Variants in YEATS2 observed in about 807,000 individuals in gnomAD.
The protein encoded by YEATS2 is YEATS domain containing 2.
A neutral mutation model predicts 163.2 loss-of-function variants in YEATS2; 77 were observed. That is an observed-to-expected ratio of 0.47 (90% confidence interval 0.39 to 0.57). The LOEUF (loss-of-function observed/expected upper bound fraction) is 0.57, where lower values mean the gene tolerates loss of function less well. YEATS2 is among the 20% of genes least tolerant of loss of function. The pLI, the probability that YEATS2 is intolerant of heterozygous loss-of-function variation, is 0.00. For missense variants in YEATS2, 1,549 were observed against 1,729.8 expected (o/e 0.90, Z 1.85); for synonymous variants, 631 against 645.1 (o/e 0.98, Z 0.33).
intron 8 of YEATS2, among the ~76,000 whole-genome samples, chr3:183,743,879 C>T (rs972359638): frequency 1.3e-5 from 2 of 152,044 alleles, no homozygotes; most frequent in African/African-American, 4.8e-5. Context: ...CTTTCTTCTA[C>T]AAATGGACCT....
chr3:183,733,703 A>T (rs1413985128), intron 7 of YEATS2, among the ~76,000 whole-genome samples: 5 of 152,056 alleles, frequency 3.3e-5, no homozygotes, highest in Non-Finnish European at 7.4e-5. Context: ...TTTCTTACAC[A>T]CCCTGAATCT....
intron 11 of YEATS2, among the ~76,000 whole-genome samples, chr3:183,755,741 C>CTTTTTTTTTTTTTTTTTTTTTTTTT (rs57050296): frequency 1.2e-5 from 1 of 82,204 alleles, no homozygotes; most frequent in African/African-American, 6.0e-5. Context: ...TCCTTCCTTT[C>CTTTTTTTTTTTTTTTTTTTTTTTTT]TTTTTTTTTT....
chr3:183,777,441 A>G (rs1468449685), intron 18 of YEATS2, 101 bp from the exon 19 acceptor site: 2 of 1,268,338 alleles, frequency 1.6e-6, no homozygotes, highest in Non-Finnish European at 2.2e-6. Context: ...AGAGCGTTGT[A>G]GCTTGTAACA....
At chr3:183,702,783 A>G (rs1269351470) in intron 1 of YEATS2, among the ~76,000 whole-genome samples, 2 of 151,826 alleles carry the variant, frequency 1.3e-5, no homozygotes, top group African/African-American at 2.4e-5. Context: ...GCAGTGAGCC[A>G]AGATTGCGCC....
Position 183,721,189 on chromosome 3 carries a change from AT to A in YEATS2, c.292-699del, listed in dbSNP as rs1199142718. Among the ~76,000 whole-genome samples, 20 of 152,310 alleles carry A rather than the reference AT, an allele frequency of 1.3e-4. No individual in the cohort carries two copies. In the East Asian group the frequency reaches 3.1e-3, roughly 24 times the overall value. The stretch of plus-strand genomic sequence containing the variant: ...TATTTTTAGTTTTCAGTGGCAAAAC[AT>A]TTATAGCTCTGAAAAACCTTTATTA... On this transcript the variant is annotated intron_variant, in intron 4 of 30. Transcript: ENST00000305135.
chr3:183,799,032 C>T, intron 23 of YEATS2, 43 bp downstream of exon 23: 1 of 1,473,196 alleles, frequency 6.8e-7, no homozygotes, highest in Non-Finnish European at 9.5e-7. Context: ...AGTTTTGTTA[C>T]TTTTTTATTG....
At chr3:183,752,555 A>G (rs1412691122) in intron 10 of YEATS2, among the ~76,000 whole-genome samples, 2 of 151,558 alleles carry the variant, frequency 1.3e-5, no homozygotes, top group Non-Finnish European at 2.9e-5. Context: ...TAAAAATACA[A>G]AAATTTAGCT....
At position 183,767,234 on chromosome 3, in the gene YEATS2, T is replaced by C. The variant is rs1175036266; in HGVS notation, c.1947+4955T>C. On this transcript the variant is annotated intron_variant, in intron 15 of 30. Coordinates refer to ENST00000305135, the MANE Select transcript of YEATS2 (RefSeq NM_018023.5). ...GCTGACTTGGGATACCAGGTTTTTG[T>C]TTCTGTTTTGAGACAGCGTCTAGCT... is the stretch of plus-strand genomic sequence containing the variant. 3.9e-5 allele frequency among the ~76,000 whole-genome samples: 6 copies of C among 152,002 alleles called. No individual in the cohort carries two copies. In the South Asian group the frequency reaches 1.2e-3, roughly 32 times the overall value.
chr3:183,809,450 C>A, intron 30 of YEATS2: 1 of 280,950 alleles, frequency 3.6e-6, no homozygotes, highest in East Asian at 6.2e-5. Context: ...TAAATATTAG[C>A]TTTGCAATTA....
chr3:183,763,302 A>G (rs555121160), intron 15 of YEATS2, among the ~76,000 whole-genome samples: 20 of 152,314 alleles, frequency 1.3e-4, no homozygotes, highest in African/African-American at 4.8e-4. Context: ...ATTGAATACT[A>G]TAGGAAGTTG....
chr3:183,765,182 A>G (rs928072223), intron 15 of YEATS2, among the ~76,000 whole-genome samples: 1 of 152,174 alleles, frequency 6.6e-6, no homozygotes, highest in South Asian at 2.1e-4. Flanking sequence ...AGTTATTGTC[A>G]TCTGAACTTC....
chr3:183,733,642 C>T (rs1718039436), intron 7 of YEATS2, among the ~76,000 whole-genome samples: 1 of 152,142 alleles, frequency 6.6e-6, no homozygotes, highest in Non-Finnish European at 1.5e-5. Context: ...ATTTTTGCGG[C>T]TGCCTTCAAA....
At chr3:183,709,162 A>G (rs1714926253) in intron 1 of YEATS2, among the ~76,000 whole-genome samples, 2 of 150,462 alleles carry the variant, frequency 1.3e-5, no homozygotes, top group Non-Finnish European at 3.0e-5. Flanking sequence ...CTCTGTCTCA[A>G]AAAAAAAAAG....
intron 28 of YEATS2, chr3:183,807,678 C>G (rs141450752): frequency 6.2e-4 from 143 of 231,580 alleles, no homozygotes; most frequent in African/African-American, 3.1e-3. Flanking sequence ...GGGCAAGATG[C>G]AGTTTCCAAG....
chr3:183,804,256 T>G (rs1340940053), intron 27 of YEATS2, 68 bp downstream of exon 27: 15 of 1,582,924 alleles, frequency 9.5e-6, no homozygotes, highest in Non-Finnish European at 1.3e-5. Flanking sequence ...TAGAGAGAGA[T>G]GAGGACTTGG....
chr3:183,728,328 T>TA (rs917197459), intron 6 of YEATS2, among the ~76,000 whole-genome samples: 3 of 152,330 alleles, frequency 2.0e-5, no homozygotes, highest in Non-Finnish European at 2.9e-5. Flanking sequence ...ATCCAATTGT[T>TA]ACCACACTAT....
intron 21 of YEATS2, among the ~76,000 whole-genome samples, chr3:183,795,313 A>G (rs972665469): frequency 2.0e-5 from 3 of 152,012 alleles, no homozygotes; most frequent in Non-Finnish European, 4.4e-5. Context: ...TTTAGAGCAG[A>G]GTCTTGCTCT....
chr3:183,734,308 C>G (rs762995117), intron 7 of YEATS2, among the ~76,000 whole-genome samples: 1 of 152,088 alleles, frequency 6.6e-6, no homozygotes, highest in Non-Finnish European at 1.5e-5. Context: ...GGCCCTGGAG[C>G]CTATTGCTTG....
At chr3:183,777,042 A>T (rs1290734771) in intron 18 of YEATS2, among the ~76,000 whole-genome samples, 1 of 152,166 alleles carries the variant, frequency 6.6e-6, no homozygotes, top group African/African-American at 2.4e-5. Context: ...TCCAAAATCC[A>T]TGAGGTAATA....
Sources: allele counts gnomAD v4.1 joint callset (sites outside exome capture counted in the v4.1 genomes callset), GRCh38; gene constraint gnomAD v4.1.1; transcripts MANE v1.5; gene names NCBI Gene and HGNC (gene_info 2026-07-23, HGNC 2026-07-21).